DMD: variants seen among roughly 807,000 people sequenced by gnomAD.
The protein encoded by DMD is mutant dystrophin.
DMD carries 63 observed loss-of-function variants against 330.1 expected under a neutral mutation model. The ratio of observed to expected loss-of-function variants is 0.19; its 90% confidence interval spans 0.16 to 0.24. DMD has a LOEUF of 0.24. Ranked by LOEUF, DMD falls within the 10% of genes least tolerant of loss-of-function variation. DMD has a pLI of 1.00. For missense variants in DMD, 3,344 were observed against 2,684.1 expected (o/e 1.25, Z -5.43); for synonymous variants, 1,223 against 959.8 (o/e 1.27, Z -5.07).
At chrX:33,089,810 G>A (rs771916041) in intron 1 of DMD, among the ~76,000 whole-genome samples, 1 of 110,395 alleles carries the variant, frequency 9.1e-6, no homozygotes, top group Non-Finnish European at 1.9e-5. Context: ...ACAAAAGGAC[G>A]TTTAAAAAAA....
intron 55 of DMD, among the ~76,000 whole-genome samples, chrX:31,544,354 C>T (rs935282907): frequency 7.4e-5 from 8 of 108,624 alleles, no homozygotes; most frequent in East Asian, 5.8e-4. Context: ...ATTCAAGTTA[C>T]GCTACTCCAA....
At chrX:31,699,501 A>C (rs2148856204) in intron 52 of DMD, among the ~76,000 whole-genome samples, 1 of 112,254 alleles carries the variant, frequency 8.9e-6, no homozygotes, top group Non-Finnish European at 1.9e-5. Flanking sequence ...CAACCTAAAA[A>C]ATGTTCCCTC....
intron 52 of DMD, among the ~76,000 whole-genome samples, chrX:31,725,868 C>G (rs2086000129): frequency 8.9e-6 from 1 of 112,377 alleles, no homozygotes; most frequent in Non-Finnish European, 1.9e-5. Flanking sequence ...CTTTCCAAAT[C>G]CTCTTCACTG....
At chrX:31,301,695 T>C (rs1405890302) in intron 62 of DMD, among the ~76,000 whole-genome samples, 1 of 112,319 alleles carries the variant, frequency 8.9e-6, no homozygotes, top group Non-Finnish European at 1.9e-5. Flanking sequence ...CACTGCATTT[T>C]AGGGGAAGGG....
intron 1 of DMD, among the ~76,000 whole-genome samples, chrX:33,068,670 G>A (rs188846090): frequency 8.9e-5 from 10 of 112,587 alleles, no homozygotes; most frequent in Non-Finnish European, 1.5e-4. Context: ...GTGAGAGAAA[G>A]AGAGGCAGTT....
chrX:32,370,336 A>G (rs190492999), intron 34 of DMD, among the ~76,000 whole-genome samples: 13 of 109,974 alleles, frequency 1.2e-4, no homozygotes. Context: ...CAGCCCCCAA[A>G]ATTACTCTAT....
chrX:33,219,815 T>C (rs182535661), intron 1 of DMD, among the ~76,000 whole-genome samples: 6 of 111,695 alleles, frequency 5.4e-5, no homozygotes, highest in African/African-American at 2.0e-4. Flanking sequence ...CATGTTTTAA[T>C]AGTTGTATCT....
rs1027553543 is a variant in DMD at position 32,763,473 on chromosome X, T to C, written c.649+46020A>G. On this transcript the variant is annotated intron_variant, in intron 7 of 78. Coordinates refer to ENST00000357033, the MANE Select transcript of DMD (RefSeq NM_004006.3). The stretch of plus-strand genomic sequence containing the variant: ...TGAAAACAGTGTTTGTCTGCTTTAG[T>C]GTATTCATATGTGAGGATGAATTTT... Among the ~76,000 whole-genome samples the C allele has an allele frequency of 8.0e-5, 9 of 112,004 alleles. No individual in the cohort carries two copies. The East Asian group carries it at 2.5e-3, about 31-fold the overall frequency.
intron 2 of DMD, among the ~76,000 whole-genome samples, chrX:32,929,539 A>C (rs2089399948): frequency 9.0e-6 from 1 of 111,059 alleles, no homozygotes; most frequent in Non-Finnish European, 1.9e-5. Context: ...AGGATATCAA[A>C]ACCCATCAAG....
rs372987358 is a variant in DMD, at chrX:31,366,113, C to T, written c.9085-17479G>A. On this transcript the variant is annotated intron_variant, in intron 60 of 78. Transcript: ENST00000357033. ...CTAAGCTGAGTTTTGACCATAGATTCCCGGAAGTGATTTACAAGATCATTT... is the reference window on the plus strand; with the variant it reads ...CTAAGCTGAGTTTTGACCATAGATTTCCGGAAGTGATTTACAAGATCATTT... 3.9e-4 allele frequency among the ~76,000 whole-genome samples: 43 copies of T among 111,655 alleles called. No individual in the cohort carries two copies. The South Asian group carries it at 0.015, about 39-fold the overall frequency.
chrX:32,941,554 G>A (rs180776343), intron 2 of DMD, among the ~76,000 whole-genome samples: 4 of 111,268 alleles, frequency 3.6e-5, no homozygotes, highest in Non-Finnish European at 5.7e-5. Context: ...ATGCAGCAAC[G>A]GAACGCCAAA....
intron 54 of DMD, among the ~76,000 whole-genome samples, chrX:31,645,278 C>T (rs190173155): frequency 3.6e-4 from 40 of 110,666 alleles, no homozygotes; most frequent in Non-Finnish European, 6.6e-4. Flanking sequence ...CTCCTCCATC[C>T]TCCTTGTGGG....
chrX:32,185,459 T>G (rs1437277020), intron 44 of DMD, among the ~76,000 whole-genome samples: 2 of 111,686 alleles, frequency 1.8e-5, no homozygotes, highest in Non-Finnish European at 3.8e-5. Context: ...GAATATGGAT[T>G]TGATTCTCTG....
intron 44 of DMD, among the ~76,000 whole-genome samples, chrX:32,024,878 A>C (rs1309849031): frequency 8.9e-6 from 1 of 112,067 alleles, no homozygotes; most frequent in Admixed American, 9.5e-5. Flanking sequence ...AAAAGCAGGA[A>C]GCCCCACTTT....
intron 7 of DMD, among the ~76,000 whole-genome samples, chrX:32,739,247 T>C (rs2068916484): frequency 8.9e-6 from 1 of 112,071 alleles, no homozygotes; most frequent in Admixed American, 9.5e-5. Flanking sequence ...CCAGAACCTA[T>C]GCTGTCCTCC....
intron 7 of DMD, among the ~76,000 whole-genome samples, chrX:32,716,144 G>A (rs1029089816): frequency 2.7e-4 from 30 of 111,356 alleles, no homozygotes; most frequent in South Asian, 3.8e-4. Context: ...TATTCTTGTC[G>A]TATTTATTGT....
At chrX:32,314,354 C>T (rs903779616) in intron 41 of DMD, among the ~76,000 whole-genome samples, 8 of 110,997 alleles carry the variant, frequency 7.2e-5, no homozygotes, top group African/African-American at 1.3e-4. Context: ...ATGCAGAAAA[C>T]GGAAACTAGA....
intron 47 of DMD, among the ~76,000 whole-genome samples, chrX:31,888,218 G>C (rs2094183563): frequency 9.0e-6 from 1 of 111,605 alleles, no homozygotes; most frequent in African/African-American, 3.3e-5. Flanking sequence ...TCTGGGGCTG[G>C]AGACAGGGCT....
In DMD at chrX:32,518,026, G is replaced by A; in HGVS notation, c.2274C>T (p.Asp758=). The change falls in exon 18 of 79, where the codon GAC becomes GAT. Residue 758 remains aspartate, a synonymous_variant. Coordinates refer to ENST00000357033, the MANE Select transcript of DMD (RefSeq NM_004006.3). ...AIFRKEGNFS[D]LKEKVNAIER... ...AACCTACATTGACTTTTTCTTTTAAGTCTGAGAAGTTGCCTTCCTTCCGAA... is the reference window on the plus strand; with the variant it reads ...AACCTACATTGACTTTTTCTTTTAAATCTGAGAAGTTGCCTTCCTTCCGAA... 4.1e-6 allele frequency: 5 copies of A among 1,210,110 alleles called. No homozygotes were observed. The highest frequency in any genetic ancestry group is 5.6e-6 in the Non-Finnish European group (5 of 894,428).
Sources: allele counts gnomAD v4.1 joint callset (sites outside exome capture counted in the v4.1 genomes callset), GRCh38; gene constraint gnomAD v4.1.1; transcripts MANE v1.5; gene names NCBI Gene and HGNC (gene_info 2026-07-23, HGNC 2026-07-21).